ELP4: variants seen among roughly 807,000 people sequenced by gnomAD.
The protein encoded by ELP4 is elongator complex protein 4.
In ELP4, 51 loss-of-function variants were observed where a neutral mutation model predicts 48.9. The observed-to-expected ratio is 1.04, with a 90% CI of 0.83 to 1.32. ELP4 has a LOEUF of 1.32. Ranked by LOEUF, ELP4 falls within the 40% of genes most tolerant of loss-of-function variation. The probability of loss-of-function intolerance (pLI) is 0.00; values close to 1 mark genes in which losing one functional copy is unlikely to be tolerated. For missense variants in ELP4, 519 were observed against 514.6 expected, an observed-to-expected ratio of 1.01 and a Z score of -0.08; for synonymous variants, 210 against 189.2, an observed-to-expected ratio of 1.11 and a Z score of -0.90.
chr11:31,687,959 T>C (rs1040804683), intron 9 of ELP4, among the ~76,000 whole-genome samples: 3 of 152,216 alleles, frequency 2.0e-5, no homozygotes, highest in African/African-American at 7.2e-5. Flanking sequence ...GACAGAAATA[T>C]GTAAAATCAC....
intron 3 of ELP4, among the ~76,000 whole-genome samples, chr11:31,588,623 G>A (rs150971042): frequency 2.9e-3 from 445 of 151,794 alleles, no homozygotes; most frequent in Middle Eastern, 0.01. Context: ...AGGATATATC[G>A]GCTGAAAAAC....
intron 9 of ELP4, among the ~76,000 whole-genome samples, chr11:31,675,683 A>AT (rs1565106712): frequency 1.3e-5 from 2 of 152,150 alleles, no homozygotes; most frequent in African/African-American, 4.8e-5. Flanking sequence ...AGATACTTAT[A>AT]CTGTGGAAGT....
chr11:31,639,692 A>G (rs924279191), intron 7 of ELP4, among the ~76,000 whole-genome samples: 4 of 151,950 alleles, frequency 2.6e-5, no homozygotes, highest in Non-Finnish European at 5.9e-5. Flanking sequence ...AACAGGATAT[A>G]TTTTAAATCG....
chr11:31,731,646 A>C (rs1040830568), intron 9 of ELP4, among the ~76,000 whole-genome samples: 8 of 151,252 alleles, frequency 5.3e-5, no homozygotes, highest in African/African-American at 1.9e-4. Context: ...AGCTTCTTTA[A>C]AGAAATAGTG....
rs769744953 is a variant in ELP4 at position 31,594,915 on chromosome 11, C to T, written c.513+14C>T. ...CCCAAGATGGAGGCAAGTAAACATA[C>T]AAATTCTTTCCAAAATTTGCAAATG... On this transcript the variant is annotated intron_variant, in intron 4 of 9. Coordinates refer to ENST00000640961, the MANE Select transcript of ELP4 (RefSeq NM_019040.5). 2 of 1,542,278 alleles carry T rather than the reference C, an allele frequency of 1.3e-6. No individual in the cohort carries two copies. The highest frequency in any genetic ancestry group is 4.9e-5 in the East Asian group (2 of 41,010).
At chr11:31,579,088 T>C (rs1299293852) in intron 3 of ELP4, among the ~76,000 whole-genome samples, 1 of 151,998 alleles carries the variant, frequency 6.6e-6, no homozygotes, top group Non-Finnish European at 1.5e-5. Context: ...TAAACAAATT[T>C]ACAGAAAAAA....
At chr11:31,677,051 T>A (rs965678047) in intron 9 of ELP4, among the ~76,000 whole-genome samples, 2 of 152,234 alleles carry the variant, frequency 1.3e-5, no homozygotes, top group African/African-American at 4.8e-5. Flanking sequence ...AATCATGCAG[T>A]ATAGGCTTAG....
chr11:31,763,655 C>A (rs1592290432), intron 9 of ELP4: 1 of 1,116,306 alleles, frequency 9.0e-7, no homozygotes, highest in East Asian at 2.7e-5. Flanking sequence ...TCACATACTG[C>A]TATTTAATCA....
At chr11:31,647,130 C>G (rs1223745539) in intron 7 of ELP4, 2 of 151,652 alleles carry the variant, frequency 1.3e-5, no homozygotes, top group African/African-American at 2.4e-5. Context: ...TTTTCTTTCC[C>G]TTTATTATTA....
intron 9 of ELP4, among the ~76,000 whole-genome samples, chr11:31,693,567 G>A (rs770354936): frequency 2.0e-5 from 3 of 152,154 alleles, no homozygotes; most frequent in Non-Finnish European, 4.4e-5. Flanking sequence ...ATCATTGATG[G>A]ACATTTGGGT....
chr11:31,771,936 T>C (rs536395042), intron 9 of ELP4, among the ~76,000 whole-genome samples: 22 of 151,932 alleles, frequency 1.4e-4, no homozygotes, highest in African/African-American at 5.1e-4. Context: ...GAGCCAAGAT[T>C]GTGCCACTGC....
Position 31,684,392 on chromosome 11 carries a change from A to G in ELP4, c.1143+34171A>G, listed in dbSNP as rs750411598. ...TGGCTAATTTTTGTATTTTTACTAG[A>G]GATGGGGTTTCACCATGTTGGCCAG... On this transcript the variant is annotated intron_variant, in intron 9 of 9. Transcript: ENST00000640961. Among the ~76,000 whole-genome samples, 193 of 152,256 alleles carry G rather than the reference A, an allele frequency of 1.3e-3. 1 individual carries two copies. The highest frequency in any genetic ancestry group is 2.1e-3 in the Non-Finnish European group (145 of 68,006).
chr11:31,710,224 A>C (rs1298062895), intron 9 of ELP4, among the ~76,000 whole-genome samples: 1 of 152,240 alleles, frequency 6.6e-6, no homozygotes, highest in Non-Finnish European at 1.5e-5. Flanking sequence ...GTTCTGGAGA[A>C]GATACACTTT....
intron 3 of ELP4, among the ~76,000 whole-genome samples, chr11:31,551,724 T>G (rs1232197995): frequency 6.6e-6 from 1 of 152,182 alleles, no homozygotes; most frequent in Admixed American, 6.6e-5. Flanking sequence ...ATAAAGCTAT[T>G]TCTAAGAAAA....
At chr11:31,740,455 T>C (rs1305726555) in intron 9 of ELP4, among the ~76,000 whole-genome samples, 1 of 152,238 alleles carries the variant, frequency 6.6e-6, no homozygotes, top group Non-Finnish European at 1.5e-5. Context: ...ACTGTACAAC[T>C]ACATAAGTTG....
intron 9 of ELP4, among the ~76,000 whole-genome samples, chr11:31,692,514 A>G (rs1437164066): frequency 6.6e-6 from 1 of 152,174 alleles, no homozygotes; most frequent in East Asian, 1.9e-4. Flanking sequence ...TACGCCATCA[A>G]TTTTTCATTT....
At chr11:31,690,172 A>G (rs531222273) in intron 9 of ELP4, among the ~76,000 whole-genome samples, 3 of 152,326 alleles carry the variant, frequency 2.0e-5, no homozygotes, top group Non-Finnish European at 4.4e-5. Context: ...TGTCTGCTGA[A>G]TAGCAAAGCC....
intron 3 of ELP4, among the ~76,000 whole-genome samples, chr11:31,540,445 C>T (rs756013266): frequency 5.9e-5 from 9 of 152,164 alleles, no homozygotes; most frequent in African/African-American, 2.2e-4. Context: ...TTCCAAGGCA[C>T]TACAGTATTT....
rs1424540247 is a variant in ELP4, at chr11:31,789,545, G to C, written c.*6021G>C. On this transcript the variant is annotated 3_prime_UTR_variant, in exon 10 of 10. Coordinates refer to ENST00000640961, the MANE Select transcript of ELP4 (RefSeq NM_019040.5). ...ATATCTTGATAAAACTCTTAAATTC[G>C]TGGCAAAGCTTGTTGATCATGGTTT... is the stretch of plus-strand genomic sequence containing the variant. 2 of 595,782 alleles carry C rather than the reference G, an allele frequency of 3.4e-6. No individual in the cohort carries two copies. Among genetic ancestry groups the C allele is most frequent in the African/African-American group, 1.9e-5 (1 of 52,950 alleles). 36.9% of individuals were successfully genotyped at this position (595,782 alleles called of 1,614,324 possible). A position where few individuals can be genotyped will look rare whatever the true frequency, so the allele number is the denominator to read the frequency against.
Sources: gnomAD v4.1 joint callset for allele counts (sites outside exome capture counted in the v4.1 genomes callset) on GRCh38, gnomAD v4.1.1 for gene constraint, MANE v1.5 for transcripts, NCBI Gene and HGNC (gene_info 2026-07-23, HGNC 2026-07-21) for gene names.